The following EPHA8 variants were observed in gnomAD, a reference collection of about 807,000 sequenced individuals.
EPHA8 encodes ephrin type-A receptor 8.
EPHA8 carries 58 observed loss-of-function variants against 103.6 expected under a neutral mutation model. The observed-to-expected ratio is 0.56, with a 90% confidence interval of 0.45 to 0.70. The LOEUF (loss-of-function observed/expected upper bound fraction) is 0.70, where lower values mean the gene tolerates loss of function less well. Among genes scored for constraint, EPHA8 ranks in the 30% least tolerant of loss-of-function variants. EPHA8 has a pLI of 0.00. For synonymous variants in EPHA8, 559 were observed against 572.5 expected, an observed-to-expected ratio of 0.98 and a Z score of 0.34; for missense variants, 1,304 against 1,395.2, an observed-to-expected ratio of 0.93 and a Z score of 1.04.
Position 22,576,441 on chromosome 1 carries a change from G to A in EPHA8, c.384G>A (p.Glu128=). 1 of 1,614,056 alleles carries A rather than the reference G, an allele frequency of 6.2e-7. No individual in the cohort carries two copies. The highest frequency in any genetic ancestry group is 1.6e-4 in the Middle Eastern group (1 of 6,062). The stretch of plus-strand genomic sequence containing the variant: ...AGACCTTCAACCTCTACTACCTGGA[G>A]TCGGACCGCGACCTGGGGGCCAGCA... ...CKETFNLYYL[E]SDRDLGASTQ... The change falls in exon 3 of 17, where the codon GAG becomes GAA. Residue 128 remains glutamate (E), a synonymous_variant. Transcript: ENST00000166244. This position sits in a 1 kb window ranked among gnomAD's most constrained non-coding sequence, Gnocchi z 4.8.
chr1:22,592,011 G>A (rs965419095), intron 5 of EPHA8, among the ~76,000 whole-genome samples: 5 of 152,120 alleles, frequency 3.3e-5, no homozygotes, highest in African/African-American at 1.2e-4. Context: ...GATGTCTTGG[G>A]CACTGCAGAG....
At chr1:22,568,566 C>T (rs952306738) in intron 1 of EPHA8, among the ~76,000 whole-genome samples, 9 of 152,178 alleles carry the variant, frequency 5.9e-5, no homozygotes, top group Non-Finnish European at 1.2e-4. Flanking sequence ...TAATACTGGC[C>T]GCCTCTCAGG....
chr1:22,576,501 T>C lies in EPHA8; in HGVS notation c.444T>C (p.Ile148=), dbSNP rs1227041861. The C allele has an allele frequency of 6.2e-7, 1 of 1,614,046 alleles. No individual in the cohort carries two copies. The highest frequency in any genetic ancestry group is 2.2e-5 in the East Asian group (1 of 44,876). Residue 148 remains isoleucine (I), a synonymous_variant, in exon 3 of 17, where the codon ATT becomes ATC. Coordinates refer to ENST00000166244, the MANE Select transcript of EPHA8 (RefSeq NM_020526.5). This position sits in a 1 kb window ranked among gnomAD's most constrained non-coding sequence, Gnocchi z 4.8. ...GCCAGTTCCTCAAAATCGACACCATTGCGGCCGACGAGAGCTTCACAGGTG... is the reference window on the plus strand; with the variant it reads ...GCCAGTTCCTCAAAATCGACACCATCGCGGCCGACGAGAGCTTCACAGGTG... The part of the protein sequence containing the change: ...QESQFLKIDT[I]AADESFTGAD...
At position 22,602,278 on chromosome 1, in the gene EPHA8, C is replaced by T. The variant is rs1401410179; in HGVS notation, c.*537C>T. 2 of 168,976 alleles carry T rather than the reference C, an allele frequency of 1.2e-5. No homozygotes were observed. Among genetic ancestry groups the T allele is most frequent in the Non-Finnish European group, 2.5e-5 (2 of 80,660 alleles). 10.5% of individuals were successfully genotyped at this position (168,976 alleles called of 1,614,324 possible). On this transcript the variant is annotated 3_prime_UTR_variant, in exon 17 of 17. Coordinates refer to ENST00000166244, the MANE Select transcript of EPHA8 (RefSeq NM_020526.5). ...CAGTGTGACACCGCCAGGTCCAGCA[C>T]CCATGGGGGCGGGGGAGAGGCTCAC...
intron 3 of EPHA8, among the ~76,000 whole-genome samples, chr1:22,580,726 T>C (rs1213276421): frequency 6.6e-6 from 1 of 152,246 alleles, no homozygotes; most frequent in Non-Finnish European, 1.5e-5. Context: ...CATTTGCTCA[T>C]TGCAGCAAGG....
intron 1 of EPHA8, among the ~76,000 whole-genome samples, chr1:22,566,841 C>T (rs1640374087): frequency 6.6e-6 from 1 of 152,066 alleles, no homozygotes; most frequent in African/African-American, 2.4e-5. Context: ...TCTGCGTTCT[C>T]ACCCATTCAA....
At chr1:22,583,160 G>A (rs1030076088) in intron 3 of EPHA8, among the ~76,000 whole-genome samples, 3 of 152,194 alleles carry the variant, frequency 2.0e-5, no homozygotes, top group African/African-American at 7.2e-5. Flanking sequence ...CCCAACACCC[G>A]GGCACGTGCA....
At chr1:22,585,050 TGCGCACGC>T (rs1225082989) in intron 3 of EPHA8, among the ~76,000 whole-genome samples, 33 of 93,494 alleles carry the variant, frequency 3.5e-4, no homozygotes, top group Admixed American at 4.9e-4. Context: ...TGTGTGTGTG[TGCGCACGC>T]GTGTGTCTAG....
At chr1:22,566,184 A>AC (rs1640353906) in intron 1 of EPHA8, among the ~76,000 whole-genome samples, 1 of 152,158 alleles carries the variant, frequency 6.6e-6, no homozygotes, top group East Asian at 1.9e-4. Flanking sequence ...CGCCCCCCGG[A>AC]CCCCTGCCAG....
Position 22,568,530 on chromosome 1 carries a change from C to T in EPHA8, c.95-759C>T, listed in dbSNP as rs1002472299. On this transcript the variant is annotated intron_variant, in intron 1 of 16. Transcript: ENST00000166244. The stretch of plus-strand genomic sequence containing the variant: ...CACATTCCCGGACCTCCCTGAGGCT[C>T]GGTTCTTTTATCTGTAAAATGGAGG... Among the ~76,000 whole-genome samples the T allele has an allele frequency of 2.0e-5, 3 of 152,208 alleles. No homozygotes were observed. In the South Asian group the frequency reaches 6.2e-4, roughly 32 times the overall value.
chr1:22,576,955 G>T lies in EPHA8; in HGVS notation c.823+75G>T. 2 of 1,481,628 alleles carry T rather than the reference G, an allele frequency of 1.3e-6. No homozygotes were observed. Among genetic ancestry groups the T allele is most frequent in the South Asian group, 1.3e-5 (1 of 74,390 alleles). 91.8% of individuals were successfully genotyped at this position (1,481,628 alleles called of 1,614,324 possible). ...CTTGGCAGGGCTGCCAGGGTGTAAG[G>T]GGGGACGTCAGAGCCCACAGGCACC... On this transcript the variant is annotated intron_variant, in intron 3 of 16. Transcript: ENST00000166244. This position sits in a 1 kb window ranked among gnomAD's most constrained non-coding sequence, Gnocchi z 4.8.
chr1:22,574,947 CTTA>C (rs961581301), intron 2 of EPHA8, among the ~76,000 whole-genome samples: 1 of 152,254 alleles, frequency 6.6e-6, no homozygotes, highest in African/African-American at 2.4e-5. Context: ...CTTGCCAACA[CTTA>C]TTATTATCAT....
At chr1:22,584,340 T>C (rs1341378905) in intron 3 of EPHA8, among the ~76,000 whole-genome samples, 1 of 152,160 alleles carries the variant, frequency 6.6e-6, no homozygotes, top group Non-Finnish European at 1.5e-5. Context: ...AGAGCCCTCT[T>C]GGGATCCTCT....
rs1640709348 is a variant in EPHA8, at chr1:22,576,620, T to C, written c.563T>C (p.Ile188Thr). The C allele has an allele frequency of 3.1e-6, 5 of 1,613,838 alleles. No individual in the cohort carries two copies. In the East Asian group the frequency reaches 8.9e-5, roughly 29 times the overall value. ...GGCTTCTACCTGGCCTTCCAGGACA[T>C]AGGTGCCTGCCTGGCCATCCTCTCT... is the stretch of plus-strand genomic sequence containing the variant. ...KRGFYLAFQDIGACLAILSLR... is the reference protein window; with the variant it reads ...KRGFYLAFQDTGACLAILSLR... Residue 188 changes from isoleucine (I) to threonine (T), a missense_variant, in exon 3 of 17, where the codon ATA (isoleucine) becomes ACA (threonine). Coordinates refer to ENST00000166244, the MANE Select transcript of EPHA8 (RefSeq NM_020526.5). This position sits in a 1 kb window ranked among gnomAD's most constrained non-coding sequence, Gnocchi z 4.8.
At chr1:22,588,045 C>T (rs942094309) in intron 4 of EPHA8, among the ~76,000 whole-genome samples, 4 of 152,224 alleles carry the variant, frequency 2.6e-5, no homozygotes, top group Non-Finnish European at 1.5e-5. Flanking sequence ...TTCTGGAAAG[C>T]TTAAGATCGT....
chr1:22,589,470 C>T lies in EPHA8; in HGVS notation c.1315+264C>T. 6.8e-7 allele frequency: 1 copy of T among 1,479,508 alleles called. No individual in the cohort carries two copies. The highest frequency in any genetic ancestry group is 8.9e-7 in the Non-Finnish European group (1 of 1,123,462). 91.6% of individuals were successfully genotyped at this position (1,479,508 alleles called of 1,614,324 possible). A position where few individuals can be genotyped will look rare whatever the true frequency, so the allele number is the denominator to read the frequency against. Reference sequence around the variant, plus strand: ...TCGAAAGCCTAGGTTCCAGAACTTTCCCTCTCTGTGCCTCAGTTTCCTCCC... The same window carrying T: ...TCGAAAGCCTAGGTTCCAGAACTTTTCCTCTCTGTGCCTCAGTTTCCTCCC... On this transcript the variant is annotated intron_variant, in intron 5 of 16. Coordinates refer to ENST00000166244, the MANE Select transcript of EPHA8 (RefSeq NM_020526.5). This position sits in a 1 kb window ranked among gnomAD's most constrained non-coding sequence, Gnocchi z 4.3.
chr1:22,572,970 C>A (rs941832167), intron 2 of EPHA8, among the ~76,000 whole-genome samples: 1 of 152,208 alleles, frequency 6.6e-6, no homozygotes, highest in Non-Finnish European at 1.5e-5. Flanking sequence ...CTGGAGTAGA[C>A]TCAGATGGAA....
Position 22,597,859 on chromosome 1 carries a change from G to C in EPHA8, c.2114G>C (p.Arg705Pro). Residue 705 changes from arginine to proline, a missense_variant and splice_region_variant, in exon 11 of 17, where the codon CGT (arginine) becomes CCT (proline). Arg to Pro is a moderately radical substitution (Grantham distance 103). Coordinates refer to ENST00000166244, the MANE Select transcript of EPHA8 (RefSeq NM_020526.5). This position sits in a 1 kb window ranked among gnomAD's most constrained non-coding sequence, Gnocchi z 4.6. ...NIIRLEGVVT[R>P]GRLAMIVTEY... ...ATCCGCCTCGAGGGTGTCGTCACCCGTGGTAGGTGCCGGGCAAAGACAGCC... is the reference window on the plus strand; with the variant it reads ...ATCCGCCTCGAGGGTGTCGTCACCCCTGGTAGGTGCCGGGCAAAGACAGCC... The C allele has an allele frequency of 6.2e-7, 1 of 1,606,502 alleles. No individual in the cohort carries two copies. The highest frequency in any genetic ancestry group is 1.7e-5 in the Admixed American group (1 of 59,660).
At chr1:22,579,145 A>G (rs115712282) in intron 3 of EPHA8, among the ~76,000 whole-genome samples, 8,414 of 139,416 alleles carry the variant, frequency 0.06, 294 homozygotes, top group Middle Eastern at 0.11. Context: ...GTGTGTGCAT[A>G]TGTGCAAGAG....
Sources: allele counts gnomAD v4.1 joint callset (sites outside exome capture counted in the v4.1 genomes callset), GRCh38; gene constraint gnomAD v4.1.1; non-coding constraint Gnocchi (gnomAD v3.1); transcripts MANE v1.5; gene names NCBI Gene and HGNC (gene_info 2026-07-23, HGNC 2026-07-21).